The following ASIP variants were observed in gnomAD, a reference collection of about 807,000 sequenced individuals.
ASIP encodes agouti-signaling protein.
Under a neutral mutation model 10.3 loss-of-function variants are expected in ASIP, and 11 were observed. The ratio of observed to expected loss-of-function variants is 1.07; its 90% CI spans 0.68 to 1.78. The LOEUF is 1.78. Ranked by LOEUF, ASIP falls within the 40% of genes most tolerant of loss-of-function variation. The pLI is 0.00. For missense variants in ASIP, 180 were observed against 169.2 expected (o/e 1.06, Z -0.35); for synonymous variants, 70 against 70.8 (o/e 0.99, Z 0.06).
At chr20:34,190,506 A>C (rs983014610), upstream of ASIP, among the ~76,000 whole-genome samples, 6 of 152,108 alleles carry the variant, frequency 3.9e-5, no homozygotes, top group African/African-American at 9.7e-5. Context: ...TAACACTCCT[A>C]TCTGCATGTC....
At chr20:34,221,360 A>G (rs1011228689) in intron 1 of ASIP, among the ~76,000 whole-genome samples, 5 of 152,112 alleles carry the variant, frequency 3.3e-5, no homozygotes, top group Non-Finnish European at 5.9e-5. Flanking sequence ...CCTGGGCGAC[A>G]GAGCGAGACT....
At chr20:34,222,648 G>T (rs112615072) in intron 1 of ASIP, among the ~76,000 whole-genome samples, 1 of 143,628 alleles carries the variant, frequency 7.0e-6, no homozygotes, top group East Asian at 2.0e-4. Flanking sequence ...CTCCCTCTCC[G>T]TCTCCCTCTC....
chr20:34,188,534 C>T, the ASIP span, among the ~76,000 whole-genome samples: 426 of 152,188 alleles, frequency 2.8e-3, 2 homozygotes, highest in South Asian at 6.4e-3. Flanking sequence ...CCTTTTTAAT[C>T]AAGAAAATAG....
Position 34,223,210 on chromosome 20 carries a change from T to A in ASIP, c.-11+28450T>A, listed in dbSNP as rs551711869. On this transcript the variant is annotated intron_variant, in intron 1 of 3. Transcript: ENST00000568305. ...GCGCCTCTTCCCAGCCGCCATCACA[T>A]CTAGGAAGTGAGGAGCGTCTCTGCC... 3.3e-5 allele frequency among the ~76,000 whole-genome samples: 5 copies of A among 150,260 alleles called. No homozygotes were observed. The South Asian group carries it at 8.4e-4, about 25-fold the overall frequency.
At chr20:34,234,329 A>T (rs1306228506) in intron 1 of ASIP, among the ~76,000 whole-genome samples, 1 of 152,196 alleles carries the variant, frequency 6.6e-6, no homozygotes, top group Non-Finnish European at 1.5e-5. Context: ...AATCAGTAAA[A>T]ATATAGCATA....
chr20:34,258,702 ATATATATT>A lies in ASIP; in HGVS notation c.-10-1662_-10-1655del, dbSNP rs1568768783. 3.1e-4 allele frequency among the ~76,000 whole-genome samples: 29 copies of A among 94,832 alleles called. 4 individuals are homozygous for A. The highest frequency in any genetic ancestry group is 9.8e-4 in the African/African-American group (26 of 26,568). The allele number at this position is 94,832 out of a possible 152,430, so 62.2% of individuals were successfully genotyped here. On this transcript the variant is annotated intron_variant, in intron 1 of 3. Coordinates refer to ENST00000374954, the MANE Select transcript of ASIP (RefSeq NM_001672.3). ...ATATATATATATATACATACTATAT[ATATATATT>A]ATATATATTATAAAATATATATAGT...
rs113925791 is a variant in ASIP, at chr20:34,208,028, C to T, written c.-11+13268C>T. On this transcript the variant is annotated intron_variant, in intron 1 of 3. Transcript: ENST00000568305. ...TCCTGACCTCGTGATCCACCCGCCT[C>T]GGCTTTCCAAAGTGCTGAGATTACA... Among the ~76,000 whole-genome samples, 76 of 152,222 alleles carry T rather than the reference C, an allele frequency of 5.0e-4. 1 individual carries two copies. Among genetic ancestry groups the T allele is most frequent in the Middle Eastern group, 6.8e-3 (2 of 294 alleles).
chr20:34,213,589 G>C (rs1357727867), intron 1 of ASIP: 1 of 1,556,186 alleles, frequency 6.4e-7, no homozygotes, highest in African/African-American at 1.4e-5. Flanking sequence ...TTGTAAAAAC[G>C]GGGATACTTG....
chr20:34,205,685 C>A (rs141591638), intron 1 of ASIP, among the ~76,000 whole-genome samples: 3 of 143,008 alleles, frequency 2.1e-5, no homozygotes, highest in Admixed American at 2.0e-4. Flanking sequence ...TTTTACAGAG[C>A]GCTGATTTTG....
chr20:34,223,510 C>T (rs2035068062), intron 1 of ASIP, among the ~76,000 whole-genome samples: 1 of 151,482 alleles, frequency 6.6e-6, no homozygotes, highest in African/African-American at 2.4e-5. Context: ...GGGTCAGCCC[C>T]CCCGCCCGGC....
At chr20:34,226,898 G>C (rs2035097084) in intron 1 of ASIP, among the ~76,000 whole-genome samples, 1 of 152,048 alleles carries the variant, frequency 6.6e-6, no homozygotes, top group South Asian at 2.1e-4. Context: ...CCCCATACTT[G>C]ATTAAAGACC....
At chr20:34,219,871 T>C (rs1021202618) in intron 1 of ASIP, among the ~76,000 whole-genome samples, 2 of 151,118 alleles carry the variant, frequency 1.3e-5, no homozygotes, top group Admixed American at 6.6e-5. Flanking sequence ...AGGCGGATCA[T>C]GAGGTCAGGA....
At chr20:34,191,830 A>G (rs754138048), upstream of ASIP, among the ~76,000 whole-genome samples, 1 of 151,286 alleles carries the variant, frequency 6.6e-6, no homozygotes, top group Non-Finnish European at 1.5e-5. Context: ...CCCAGGTTCA[A>G]ACGATTCTCC....
intron 1 of ASIP, among the ~76,000 whole-genome samples, chr20:34,203,225 T>G (rs1207249874): frequency 6.6e-6 from 1 of 152,148 alleles, no homozygotes; most frequent in Non-Finnish European, 1.5e-5. Context: ...ATGAAAGTCT[T>G]TACAATATTA....
intron 2 of ASIP, 21 bp downstream of exon 2, chr20:34,260,555 G>C: frequency 6.3e-7 from 1 of 1,590,114 alleles, no homozygotes; most frequent in Non-Finnish European, 8.6e-7. Context: ...TAGCCTCTGG[G>C]CTCTGGCCCA....
intron 1 of ASIP, chr20:34,216,037 G>T: frequency 1.6e-6 from 1 of 633,672 alleles, no homozygotes; most frequent in Non-Finnish European, 2.9e-6. Context: ...GCCGAGCGGC[G>T]CAGCTCGCAG....
chr20:34,201,985 C>G (rs1225613122), intron 1 of ASIP, among the ~76,000 whole-genome samples: 3 of 151,884 alleles, frequency 2.0e-5, no homozygotes, highest in African/African-American at 7.3e-5. Flanking sequence ...CACAGGTTAT[C>G]CTAATAGAGT....
chr20:34,269,177 C>T lies in ASIP; in HGVS notation c.*10C>T. 1.3e-6 allele frequency: 2 copies of T among 1,495,060 alleles called. No homozygotes were observed. Among genetic ancestry groups the T allele is most frequent in the Non-Finnish European group, 1.8e-6 (2 of 1,121,624 alleles). 92.6% of individuals were successfully genotyped at this position (1,495,060 alleles called of 1,614,324 possible). On this transcript the variant is annotated 3_prime_UTR_variant, in exon 4 of 4. Transcript: ENST00000374954. ...CAGCCTCAACTGCTGAGCGCCCCCA[C>T]TCCCGGCCGCGAGCAGGCAGGGCTT...
intron 1 of ASIP, among the ~76,000 whole-genome samples, chr20:34,252,738 G>A (rs186301019): frequency 5.3e-5 from 8 of 152,136 alleles, no homozygotes; most frequent in Middle Eastern, 3.4e-3. Context: ...CCTTTCCCAC[G>A]AGGCCATATC....
Sources: allele counts gnomAD v4.1 joint callset (sites outside exome capture counted in the v4.1 genomes callset), GRCh38; gene constraint gnomAD v4.1.1; transcripts MANE v1.5; gene names NCBI Gene and HGNC (gene_info 2026-07-23, HGNC 2026-07-21).